The following ZP3 variants were observed in gnomAD, a reference collection of about 807,000 sequenced individuals.
ZP3 encodes the protein zona pellucida sperm-binding protein 3.
In ZP3, 21 loss-of-function variants were observed where a neutral mutation model predicts 35.6. That is an observed-to-expected ratio of 0.59 (90% CI 0.42 to 0.85). The LOEUF is 0.85. Among genes scored for constraint, ZP3 ranks in the 40% least tolerant of loss-of-function variants. ZP3 has a pLI of 0.00. For synonymous variants in ZP3, 207 were observed against 214.5 expected (o/e 0.96, Z 0.31); for missense variants, 437 against 536.5 (o/e 0.81, Z 1.83).
intron 1 of ZP3, among the ~76,000 whole-genome samples, chr7:76,406,269 C>T (rs971301401): frequency 1.3e-5 from 2 of 152,260 alleles, no homozygotes; most frequent in African/African-American, 4.8e-5. Flanking sequence ...TGAGCCACCG[C>T]ACCTGGTCTG....
At chr7:76,435,458 A>G (rs1380826497) in intron 5 of ZP3, among the ~76,000 whole-genome samples, 1 of 152,198 alleles carries the variant, frequency 6.6e-6, no homozygotes, top group Non-Finnish European at 1.5e-5. Flanking sequence ...CCCAGCCTCA[A>G]GTAGCTTTTA....
chr7:76,426,904 AC>A (rs756818498), intron 1 of ZP3, among the ~76,000 whole-genome samples: 3,647 of 144,670 alleles, frequency 0.025, 137 homozygotes, highest in East Asian at 0.13. Context: ...ACACACACAC[AC>A]ACAATAGGGT....
intron 1 of ZP3, among the ~76,000 whole-genome samples, chr7:76,399,237 T>C (rs1804737329): frequency 6.6e-6 from 1 of 152,132 alleles, no homozygotes; most frequent in South Asian, 2.1e-4. Flanking sequence ...GGTCTTGAAC[T>C]CCTGACCTCA....
At chr7:76,416,829 C>CACACATACATAT (rs1563692702) in intron 1 of ZP3, among the ~76,000 whole-genome samples, 74 of 121,192 alleles carry the variant, frequency 6.1e-4, no homozygotes, top group Middle Eastern at 4.0e-3. Flanking sequence ...TATATATATA[C>CACACATACATAT]ATATACATAC....
In ZP3 at chr7:76,429,501, C is replaced by T. The variant is rs1805767228; in HGVS notation, c.313-14C>T. The T allele has an allele frequency of 1.2e-6, 2 of 1,613,078 alleles. No homozygotes were observed. The highest frequency in any genetic ancestry group is 2.2e-5 in the East Asian group (1 of 44,872). ...GTGATGGCCGGCAGCATTAACTTCTCACCTTTCCTCCAGGTAACTGACGAT... is the reference window on the plus strand; with the variant it reads ...GTGATGGCCGGCAGCATTAACTTCTTACCTTTCCTCCAGGTAACTGACGAT... On this transcript the variant is annotated splice_polypyrimidine_tract_variant and intron_variant, in intron 1 of 7. Coordinates refer to ENST00000394857, the MANE Select transcript of ZP3 (RefSeq NM_001110354.2).
At chr7:76,403,297 G>A (rs868679830) in intron 1 of ZP3, among the ~76,000 whole-genome samples, 1 of 152,046 alleles carries the variant, frequency 6.6e-6, no homozygotes, top group Admixed American at 6.6e-5. Context: ...ACCCCCTGCA[G>A]CCTGTACTTG....
chr7:76,398,705 A>T (rs372425061), intron 1 of ZP3: 7 of 1,612,098 alleles, frequency 4.3e-6, no homozygotes, highest in Admixed American at 1.7e-5. Flanking sequence ...TGGTGCCCAC[A>T]TTATGCTTAC....
chr7:76,441,377 TTTTC>T (rs949953793), intron 7 of ZP3, among the ~76,000 whole-genome samples: 1 of 150,624 alleles, frequency 6.6e-6, no homozygotes, highest in African/African-American at 2.5e-5. Context: ...AAAGCTGTCT[TTTTC>T]TTTTTTCTTC....
Position 76,401,426 on chromosome 7 carries a change from C to A in ZP3, c.-67+3629C>A, listed in dbSNP as rs933926743. On this transcript the variant is annotated intron_variant, in intron 1 of 8. Coordinates refer to the ZP3 transcript ENST00000336517. ...AGCCTCGCCTTTTTTCTTTTCTTTT[C>A]TTTTTTTGAGACAAAGTCTCACTCT... 2.1e-5 allele frequency among the ~76,000 whole-genome samples: 3 copies of A among 142,302 alleles called. No homozygotes were observed. The South Asian group carries it at 7.0e-4, about 33-fold the overall frequency. The allele number at this position is 142,302 out of a possible 152,430, so 93.4% of individuals were successfully genotyped here. A position where few individuals can be genotyped will look rare whatever the true frequency, so the allele number is the denominator to read the frequency against.
At chr7:76,425,332 A>G in intron 1 of ZP3, 56 bp downstream of exon 1, 3 of 1,535,774 alleles carry the variant, frequency 2.0e-6, no homozygotes, top group Non-Finnish European at 1.8e-6. Context: ...GCAGCCGGGT[A>G]TGGGGACTGT....
chr7:76,434,530 T>A (rs1805934347), intron 5 of ZP3, among the ~76,000 whole-genome samples: 1 of 134,154 alleles, frequency 7.5e-6, no homozygotes, highest in African/African-American at 2.6e-5. Context: ...CCCAGCTACC[T>A]GGGAGGCTGA....
intron 5 of ZP3, chr7:76,439,788 G>C (rs1349798003): frequency 4.5e-3 from 855 of 188,790 alleles, no homozygotes; most frequent in African/African-American, 0.019. Flanking sequence ...AAAACTAGTT[G>C]CTACTTGCTC....
intron 1 of ZP3, among the ~76,000 whole-genome samples, chr7:76,399,569 C>T (rs767919174): frequency 3.3e-5 from 5 of 152,036 alleles, no homozygotes; most frequent in Admixed American, 3.3e-4. Context: ...GGATCTTGCT[C>T]TGTCACCCAG....
At chr7:76,418,019 T>C (rs1584048184) in intron 1 of ZP3, among the ~76,000 whole-genome samples, 1 of 148,238 alleles carries the variant, frequency 6.7e-6, no homozygotes, top group Admixed American at 6.8e-5. Context: ...CTCACTGCAA[T>C]CTCCGCCTCC....
chr7:76,421,485 C>T (rs372946074), upstream of ZP3, among the ~76,000 whole-genome samples: 2 of 151,938 alleles, frequency 1.3e-5, no homozygotes, highest in East Asian at 3.9e-4. Flanking sequence ...AACTCCTGGG[C>T]TCAAGCAATC....
upstream of ZP3, among the ~76,000 whole-genome samples, chr7:76,423,499 C>T (rs1461611133): frequency 1.3e-5 from 2 of 152,080 alleles, no homozygotes; most frequent in Non-Finnish European, 2.9e-5. Flanking sequence ...CACTCCACAA[C>T]CTTGGTTTGA....
chr7:76,411,759 G>A (rs1391528157), intron 1 of ZP3, among the ~76,000 whole-genome samples: 1 of 152,024 alleles, frequency 6.6e-6, no homozygotes, highest in Non-Finnish European at 1.5e-5. Flanking sequence ...AAATCTAAAT[G>A]TACATTCACC....
At chr7:76,412,052 C>T (rs1035770960) in intron 1 of ZP3, among the ~76,000 whole-genome samples, 8 of 151,526 alleles carry the variant, frequency 5.3e-5, no homozygotes, top group Admixed American at 1.3e-4. Flanking sequence ...ATTAGCCAGG[C>T]ATGGTGATTC....
chr7:76,405,048 C>T lies in ZP3; in HGVS notation c.-67+7251C>T, dbSNP rs565669864. Among the ~76,000 whole-genome samples, 160 of 150,412 alleles carry T rather than the reference C, an allele frequency of 1.1e-3. 1 individual carries two copies. Among genetic ancestry groups the T allele is most frequent in the Non-Finnish European group, 4.3e-4 (29 of 67,650 alleles). ...TCATGCCACTGCACTCCAGCCTGGG[C>T]GACAGAGCAAGACTCTGCCTCAAAA... is the stretch of plus-strand genomic sequence containing the variant. On this transcript the variant is annotated intron_variant, in intron 1 of 8. Transcript: ENST00000336517.
Sources: gnomAD v4.1 joint callset for allele counts (sites outside exome capture counted in the v4.1 genomes callset) on GRCh38, gnomAD v4.1.1 for gene constraint, MANE v1.5 for transcripts, NCBI Gene and HGNC (gene_info 2026-07-23, HGNC 2026-07-21) for gene names.